The following NCOA1 variants were observed in gnomAD, a reference collection of about 807,000 sequenced individuals.
NCOA1 encodes Hin-2 protein.
In NCOA1, 35 loss-of-function variants were observed where a neutral mutation model predicts 150.9. The ratio of observed to expected loss-of-function variants is 0.23; its 90% CI spans 0.18 to 0.31. The LOEUF (loss-of-function observed/expected upper bound fraction) is 0.31. NCOA1 is among the 10% of genes least tolerant of loss of function. The pLI is 1.00. For synonymous variants in NCOA1, 590 were observed against 630.0 expected (o/e 0.94, Z 0.95); for missense variants, 1,491 against 1,749.3 (o/e 0.85, Z 2.63).
chr2:24,689,369 ATGTGTT>A, intron 8 of NCOA1, among the ~76,000 whole-genome samples: 1 of 151,982 alleles, frequency 6.6e-6, no homozygotes, highest in East Asian at 1.9e-4. Context: ...ATGTTTTTCT[ATGTGTT>A]TGTGTCATCT....
intron 1 of NCOA1, among the ~76,000 whole-genome samples, chr2:24,538,309 A>G (rs72803298): frequency 0.052 from 7,882 of 152,304 alleles, 291 homozygotes; most frequent in East Asian, 0.2. Flanking sequence ...AAATTGAGGC[A>G]ATAGTGCATG....
chr2:24,668,943 T>C (rs557288869), intron 6 of NCOA1, among the ~76,000 whole-genome samples: 1 of 152,174 alleles, frequency 6.6e-6, no homozygotes, highest in South Asian at 2.1e-4. Context: ...ATGTAAGTTA[T>C]AACACACACA....
At chr2:24,609,904 A>G (rs1288186751) in intron 3 of NCOA1, among the ~76,000 whole-genome samples, 1 of 151,890 alleles carries the variant, frequency 6.6e-6, no homozygotes, top group Non-Finnish European at 1.5e-5. Context: ...TTGGGTTTAA[A>G]AATATTTATA....
At chr2:24,559,408 T>C (rs1558793866) in intron 1 of NCOA1, among the ~76,000 whole-genome samples, 1 of 152,222 alleles carries the variant, frequency 6.6e-6, no homozygotes. Context: ...TCCTGTACCA[T>C]CCTCATCTTC....
intron 7 of NCOA1, among the ~76,000 whole-genome samples, chr2:24,681,063 T>TAA (rs70947836): frequency 0.068 from 9,864 of 144,664 alleles, 390 homozygotes; most frequent in Non-Finnish European, 0.085. Context: ...CATTTTCACA[T>TAA]AAAAAAAAAA....
At chr2:24,546,644 A>T (rs1300089417) in intron 1 of NCOA1, among the ~76,000 whole-genome samples, 5 of 152,214 alleles carry the variant, frequency 3.3e-5, no homozygotes, top group Non-Finnish European at 7.3e-5. Context: ...CGAGCTTGAT[A>T]GTATCTTTTT....
At chr2:24,744,717 A>G (rs1663803958) in intron 19 of NCOA1, among the ~76,000 whole-genome samples, 1 of 152,240 alleles carries the variant, frequency 6.6e-6, no homozygotes, top group East Asian at 1.9e-4. Flanking sequence ...ACATGTTTCC[A>G]GGTTTGACAA....
intron 3 of NCOA1, among the ~76,000 whole-genome samples, chr2:24,608,288 T>TTAG (rs1390140240): frequency 5.5e-5 from 8 of 145,426 alleles, no homozygotes; most frequent in Admixed American, 5.5e-4. Flanking sequence ...ATTATTATTA[T>TTAG]TATTATTATT....
intron 3 of NCOA1, among the ~76,000 whole-genome samples, chr2:24,638,106 A>G (rs1171001615): frequency 2.0e-5 from 3 of 146,404 alleles, no homozygotes; most frequent in Non-Finnish European, 3.0e-5. Context: ...ATCTCTCTCT[A>G]TCCCTATCCC....
At chr2:24,536,187 T>C (rs1665133710) in intron 1 of NCOA1, among the ~76,000 whole-genome samples, 1 of 152,194 alleles carries the variant, frequency 6.6e-6, no homozygotes, top group Admixed American at 6.5e-5. Flanking sequence ...CTTCTCGCTT[T>C]ATTTCATTAA....
intron 3 of NCOA1, among the ~76,000 whole-genome samples, chr2:24,618,057 G>T (rs866239607): frequency 1.1e-4 from 17 of 152,222 alleles, no homozygotes; most frequent in African/African-American, 3.6e-4. Context: ...GAATGCATAT[G>T]CAGATATTCA....
At chr2:24,658,886 ACC>A in intron 5 of NCOA1, 120 bp downstream of exon 5, 2 of 843,574 alleles carry the variant, frequency 2.4e-6, no homozygotes, top group Non-Finnish European at 3.8e-6. Context: ...TTTCATACTC[ACC>A]ATGTTGTCTT....
intron 14 of NCOA1, among the ~76,000 whole-genome samples, chr2:24,725,041 CT>C (rs916147597): frequency 6.6e-6 from 1 of 151,950 alleles, no homozygotes; most frequent in African/African-American, 2.4e-5. Flanking sequence ...GTTTATGTAA[CT>C]TTTATTTCTC....
chr2:24,675,374 C>T lies in NCOA1; in HGVS notation c.354+1911C>T, dbSNP rs560638979. 4.6e-5 allele frequency among the ~76,000 whole-genome samples: 7 copies of T among 152,306 alleles called. No individual in the cohort carries two copies. In the Middle Eastern group the frequency reaches 0.017, roughly 370 times the overall value. On this transcript the variant is annotated intron_variant, in intron 7 of 22. Coordinates refer to ENST00000348332, the MANE Select transcript of NCOA1 (RefSeq NM_003743.5). Reference sequence around the variant, plus strand: ...AGAAACCAAAAGCTTTGTTAATGGTCTCTTAGAAAGAACCATCTGGGCAGT... The same window carrying T: ...AGAAACCAAAAGCTTTGTTAATGGTTTCTTAGAAAGAACCATCTGGGCAGT...
At chr2:24,768,001 C>T (rs1335932865) in intron 22 of NCOA1, 2 of 1,470,752 alleles carry the variant, frequency 1.4e-6, no homozygotes, top group Admixed American at 3.4e-5. Context: ...CGTGACCATT[C>T]CAATTTTGAT....
intron 17 of NCOA1, among the ~76,000 whole-genome samples, chr2:24,735,738 G>T (rs1418631986): frequency 1.3e-5 from 2 of 152,120 alleles, no homozygotes; most frequent in Non-Finnish European, 2.9e-5. Context: ...TTTAAAAAGA[G>T]CAACAAGAAG....
intron 5 of NCOA1, among the ~76,000 whole-genome samples, chr2:24,660,411 CAATT>C (rs1183629402): frequency 6.6e-6 from 1 of 151,690 alleles, no homozygotes; most frequent in African/African-American, 2.4e-5. Flanking sequence ...ACAATATTAA[CAATT>C]GATTTGTCTG....
intron 1 of NCOA1, among the ~76,000 whole-genome samples, chr2:24,535,117 A>T (rs535742105): frequency 6.6e-6 from 1 of 152,146 alleles, no homozygotes; most frequent in Non-Finnish European, 1.5e-5. Flanking sequence ...GACTTGCTTT[A>T]TGTATCTGGG....
chr2:24,596,714 CTT>C (rs1229244124), intron 3 of NCOA1, among the ~76,000 whole-genome samples: 2 of 152,052 alleles, frequency 1.3e-5, no homozygotes, highest in African/African-American at 2.4e-5. Flanking sequence ...CTTAAATAAA[CTT>C]AAATTTTAAT....
Sources: gnomAD v4.1 joint callset for allele counts (sites outside exome capture counted in the v4.1 genomes callset) on GRCh38, gnomAD v4.1.1 for gene constraint, MANE v1.5 for transcripts, NCBI Gene and HGNC (gene_info 2026-07-23, HGNC 2026-07-21) for gene names.